Variants in SMC3 observed in about 807,000 individuals in gnomAD.
The protein encoded by SMC3 is structural maintenance of chromosomes 3.
A neutral mutation model predicts 171.8 loss-of-function variants in SMC3; 20 were observed. The ratio of observed to expected loss-of-function variants is 0.12; its 90% CI spans 0.08 to 0.17. The LOEUF (loss-of-function observed/expected upper bound fraction) is 0.17. Among genes scored for constraint, SMC3 ranks in the 10% least tolerant of loss-of-function variants. The pLI, the probability that SMC3 is intolerant of heterozygous loss-of-function variation, is 1.00. For synonymous variants in SMC3, 464 were observed against 451.1 expected (o/e 1.03, Z -0.36); for missense variants, 543 against 1,420.4 (o/e 0.38, Z 9.93).
At chr10:110,589,314 A>G (rs1861172799) in intron 13 of SMC3, among the ~76,000 whole-genome samples, 1 of 152,222 alleles carries the variant, frequency 6.6e-6, no homozygotes, top group African/African-American at 2.4e-5. Flanking sequence ...AATTGTACAT[A>G]TTTAGTGTAC....
At chr10:110,599,175 G>A (rs957594459) in intron 20 of SMC3, among the ~76,000 whole-genome samples, 2 of 152,086 alleles carry the variant, frequency 1.3e-5, no homozygotes, top group African/African-American at 4.8e-5. Flanking sequence ...TCGGCTTACT[G>A]CAACCTCCAC....
Position 110,589,988 on chromosome 10 carries a change from A to C in SMC3, c.1506A>C (p.Gly502=). ...KKQQLLRAAT[G]KAILNGIDSI... ...AACAACTTCTTAGAGCAGCAACAGGAAAGGTGGGCAGGTTCTTTTCATCAC... is the reference window on the plus strand; with the variant it reads ...AACAACTTCTTAGAGCAGCAACAGGCAAGGTGGGCAGGTTCTTTTCATCAC... The change falls in exon 15 of 29, where the codon GGA becomes GGC. Residue 502 remains glycine (G), a synonymous_variant. Coordinates refer to ENST00000361804, the MANE Select transcript of SMC3 (RefSeq NM_005445.4). 1 of 1,613,604 alleles carries C rather than the reference A, an allele frequency of 6.2e-7. No homozygotes were observed. The highest frequency in any genetic ancestry group is 8.5e-7 in the Non-Finnish European group (1 of 1,179,750).
intron 25 of SMC3, 97 bp from the exon 26 acceptor site, chr10:110,602,377 T>C: frequency 9.0e-7 from 1 of 1,114,210 alleles, no homozygotes; most frequent in South Asian, 1.3e-5. Context: ...TCCTTGTTCT[T>C]AAGATTAAAA....
At chr10:110,581,206 C>T (rs570455400) in intron 8 of SMC3, among the ~76,000 whole-genome samples, 185 bp downstream of exon 8, 6 of 139,216 alleles carry the variant, frequency 4.3e-5, no homozygotes, top group East Asian at 2.1e-4. Flanking sequence ...ATTGTGGAAA[C>T]GCACACTGAC....
chr10:110,589,408 C>T (rs543048866), intron 13 of SMC3, among the ~76,000 whole-genome samples, 197 bp from the exon 14 acceptor site: 1 of 152,036 alleles, frequency 6.6e-6, no homozygotes, highest in Non-Finnish European at 1.5e-5. Flanking sequence ...TGTAAAACAC[C>T]ACACAGTTAA....
intron 22 of SMC3, 78 bp from the exon 23 acceptor site, chr10:110,600,943 GT>G: frequency 9.7e-7 from 1 of 1,031,812 alleles, no homozygotes; most frequent in Non-Finnish European, 1.5e-6. Flanking sequence ...TTTCTTGAAT[GT>G]TTATTCAGAC....
At position 110,589,677 on chromosome 10, in the gene SMC3, A is replaced by C; in HGVS notation, c.1378A>C (p.Asn460His). Reference sequence around the variant, plus strand: ...GGACAGAAAATATTACGAAGTAAAAAATAAGAAAGATGAACTACAAAGTGA... The same window carrying C: ...GGACAGAAAATATTACGAAGTAAAACATAAGAAAGATGAACTACAAAGTGA... Reference protein sequence around the residue: ...ELDRKYYEVKNKKDELQSERN... With the variant: ...ELDRKYYEVKHKKDELQSERN... Residue 460 changes from asparagine (N) to histidine (H), a missense_variant, in exon 14 of 29, where the codon AAT becomes CAT. Transcript: ENST00000361804. 6.2e-7 allele frequency: 1 copy of C among 1,608,412 alleles called. No homozygotes were observed. Among genetic ancestry groups the C allele is most frequent in the South Asian group, 1.1e-5 (1 of 90,750 alleles).
At chr10:110,591,602 G>A (rs531260068) in intron 17 of SMC3, among the ~76,000 whole-genome samples, 14 of 152,214 alleles carry the variant, frequency 9.2e-5, no homozygotes, top group Admixed American at 2.6e-4. Context: ...GATAGACTTC[G>A]GAAGCATAAC....
rs1860929506 is a variant in SMC3 at position 110,575,201 on chromosome 10, T to C, written c.131-135T>C. 8.8e-6 allele frequency: 6 copies of C among 682,560 alleles called. 1 individual carries two copies. In the South Asian group the frequency reaches 1.0e-4, roughly 12 times the overall value. The allele number at this position is 682,560 out of a possible 1,614,324, so 42.3% of individuals were successfully genotyped here. ...GCAGGCACATTTTCTGCATTTCCTT[T>C]TGTCCATATGAAACAGATAATTTAT... On this transcript the variant is annotated intron_variant, in intron 3 of 28. Transcript: ENST00000361804.
intron 2 of SMC3, among the ~76,000 whole-genome samples, chr10:110,571,331 G>C (rs770188544): frequency 7.2e-5 from 11 of 152,186 alleles, no homozygotes; most frequent in Admixed American, 2.0e-4. Context: ...GCTGGTCATA[G>C]ATTTCTAAAG....
intron 17 of SMC3, among the ~76,000 whole-genome samples, chr10:110,592,414 GCT>G: frequency 6.6e-6 from 1 of 152,244 alleles, no homozygotes; most frequent in Admixed American, 6.5e-5. Context: ...TGTCAGCAGT[GCT>G]CTGTTTCTTG....
intron 23 of SMC3, 53 bp from the exon 24 acceptor site, chr10:110,601,583 TA>T: frequency 6.4e-7 from 1 of 1,572,494 alleles, no homozygotes; most frequent in Non-Finnish European, 8.7e-7. Flanking sequence ...ATACTCAACA[TA>T]TAACACTGGC....
At chr10:110,571,521 G>A (rs1284445529) in intron 2 of SMC3, among the ~76,000 whole-genome samples, 1 of 152,198 alleles carries the variant, frequency 6.6e-6, no homozygotes, top group Non-Finnish European at 1.5e-5. Flanking sequence ...CAAGCTTTTG[G>A]ATTGTGGTGC....
intron 17 of SMC3, among the ~76,000 whole-genome samples, chr10:110,591,900 CATG>C (rs1481143723): frequency 3.9e-5 from 6 of 152,066 alleles, no homozygotes; most frequent in Middle Eastern, 3.2e-3. Flanking sequence ...GTCTCAAAAA[CATG>C]ATGTATGAAT....
At chr10:110,580,144 A>G (rs1296948893) in intron 7 of SMC3, among the ~76,000 whole-genome samples, 1 of 152,214 alleles carries the variant, frequency 6.6e-6, no homozygotes, top group Non-Finnish European at 1.5e-5. Flanking sequence ...TAATCTAGAT[A>G]TTAAAGTATA....
At chr10:110,586,983 A>G (rs1217571410) in intron 13 of SMC3, among the ~76,000 whole-genome samples, 3 of 152,150 alleles carry the variant, frequency 2.0e-5, no homozygotes, top group African/African-American at 2.4e-5. Context: ...TCTTGGTATA[A>G]TCCTAAATTA....
At chr10:110,592,244 A>G (rs1035799703) in intron 17 of SMC3, among the ~76,000 whole-genome samples, 2 of 146,436 alleles carry the variant, frequency 1.4e-5, no homozygotes, top group Non-Finnish European at 3.0e-5. Context: ...CATCCTGGCA[A>G]CAGAGCAAGA....
At chr10:110,571,831 G>A (rs1309010353) in intron 2 of SMC3, among the ~76,000 whole-genome samples, 9 of 150,994 alleles carry the variant, frequency 6.0e-5, no homozygotes. Context: ...TAAAAAATGG[G>A]TTCATCATAT....
At chr10:110,604,094 C>CAAAAAAAAAAAAAAAAAAAAAAAAA (rs57491050) in intron 28 of SMC3, 137 bp from the exon 29 acceptor site, 1 of 202,008 alleles carries the variant, frequency 5.0e-6, no homozygotes, top group Non-Finnish European at 8.8e-6. Flanking sequence ...GACTCCATCT[C>CAAAAAAAAAAAAAAAAAAAAAAAAA]AAAAAAAAAA....
Sources: gnomAD v4.1 joint callset for allele counts (sites outside exome capture counted in the v4.1 genomes callset) on GRCh38, gnomAD v4.1.1 for gene constraint, MANE v1.5 for transcripts, NCBI Gene and HGNC (gene_info 2026-07-23, HGNC 2026-07-21) for gene names.